The following ARHGEF10L variants were observed in gnomAD, a reference collection of about 807,000 sequenced individuals.
The protein encoded by ARHGEF10L is rho guanine nucleotide exchange factor 10-like protein.
Under a neutral mutation model 141.2 loss-of-function variants are expected in ARHGEF10L, and 69 were observed. The ratio of observed to expected loss-of-function variants is 0.49; its 90% CI spans 0.40 to 0.60. The LOEUF (loss-of-function observed/expected upper bound fraction) is 0.60. Among genes scored for constraint, ARHGEF10L ranks in the 20% least tolerant of loss-of-function variants. The pLI is 0.00. For synonymous variants in ARHGEF10L, 711 were observed against 718.5 expected, an observed-to-expected ratio of 0.99 and a Z score of 0.17; for missense variants, 1,482 against 1,734.3, an observed-to-expected ratio of 0.85 and a Z score of 2.58.
At position 17,640,194 on chromosome 1, in the gene ARHGEF10L, C is replaced by T. The variant is rs747071782; in HGVS notation, c.2172-8C>T. On this transcript the variant is annotated splice_polypyrimidine_tract_variant and splice_region_variant and intron_variant, in intron 20 of 28. Coordinates refer to ENST00000361221, the MANE Select transcript of ARHGEF10L (RefSeq NM_018125.4). ...CTCACACATCCACTCTAACCCTTCT[C>T]ACCACAGGTCCGGCCGCCCCATTAG... 19 of 1,608,396 alleles carry T rather than the reference C, an allele frequency of 1.2e-5. No homozygotes were observed. Among genetic ancestry groups the T allele is most frequent in the Middle Eastern group, 3.3e-4 (2 of 6,048 alleles).
chr1:17,523,679 C>T, the ARHGEF10L span, among the ~76,000 whole-genome samples: 2 of 152,184 alleles, frequency 1.3e-5, no homozygotes, highest in African/African-American at 4.8e-5. Flanking sequence ...TCCTGATTTC[C>T]TGCTCTTCCC....
chr1:17,648,548 C>T lies in ARHGEF10L; in HGVS notation c.2273-6C>T. 6.2e-7 allele frequency: 1 copy of T among 1,613,534 alleles called. No homozygotes were observed. The highest frequency in any genetic ancestry group is 8.5e-7 in the Non-Finnish European group (1 of 1,179,900). On this transcript the variant is annotated splice_polypyrimidine_tract_variant and splice_region_variant and intron_variant, in intron 21 of 28. Coordinates refer to ENST00000361221, the MANE Select transcript of ARHGEF10L (RefSeq NM_018125.4). ...AGCTCTACCCACCTCCTTCCTCTTG[C>T]TGTAGGGGAGGAGAACCAGCCAGGC...
At chr1:17,616,613 A>G (rs1272926930) in intron 9 of ARHGEF10L, among the ~76,000 whole-genome samples, 2 of 152,236 alleles carry the variant, frequency 1.3e-5, no homozygotes, top group Non-Finnish European at 2.9e-5. Flanking sequence ...CCTGTGCTGC[A>G]TGCAGGGACC....
At chr1:17,661,467 T>C (rs112400484) in intron 25 of ARHGEF10L, among the ~76,000 whole-genome samples, 14 of 152,320 alleles carry the variant, frequency 9.2e-5, no homozygotes, top group African/African-American at 3.4e-4. Flanking sequence ...TTAGAGGATT[T>C]CTGGAGACTC....
chr1:17,691,242 C>A, intron 27 of ARHGEF10L: 2 of 395,962 alleles, frequency 5.1e-6, no homozygotes, highest in South Asian at 3.7e-5. Flanking sequence ...TATTTATTCA[C>A]CATTAGAATT....
At chr1:17,587,118 C>T (rs888781635) in intron 2 of ARHGEF10L, among the ~76,000 whole-genome samples, 11 of 152,152 alleles carry the variant, frequency 7.2e-5, no homozygotes, top group African/African-American at 1.4e-4. Context: ...CTTGTGCTCA[C>T]GCATAAACAC....
At chr1:17,598,341 A>C (rs1263247923) in intron 4 of ARHGEF10L, among the ~76,000 whole-genome samples, 1 of 152,176 alleles carries the variant, frequency 6.6e-6, no homozygotes, top group African/African-American at 2.4e-5. Context: ...ACCTCCAGTG[A>C]TCTACCCACC....
chr1:17,632,200 TCTC>T (rs923535607), intron 15 of ARHGEF10L, 118 bp from the exon 16 acceptor site: 25 of 1,294,654 alleles, frequency 1.9e-5, no homozygotes, highest in Admixed American at 1.4e-4. Context: ...AGTGGCTTCA[TCTC>T]CTCCACCTCT....
chr1:17,603,890 A>C lies in ARHGEF10L; in HGVS notation c.433+299A>C, dbSNP rs575452001. Among the ~76,000 whole-genome samples, 3 of 152,330 alleles carry C rather than the reference A, an allele frequency of 2.0e-5. No individual in the cohort carries two copies. The highest frequency in any genetic ancestry group is 2.0e-4 in the Admixed American group (3 of 15,304). ...CTTCAGGAAAATGGGGCCATACCCC[A>C]GGCTTTCTGGGGCTGTTGGGGAAGA... is the stretch of plus-strand genomic sequence containing the variant. On this transcript the variant is annotated intron_variant, in intron 6 of 28. Transcript: ENST00000361221. This position sits in a 1 kb window ranked among gnomAD's most constrained non-coding sequence, Gnocchi z 4.8.
At chr1:17,668,382 C>T (rs1350801191) in intron 26 of ARHGEF10L, among the ~76,000 whole-genome samples, 2 of 152,200 alleles carry the variant, frequency 1.3e-5, no homozygotes, top group African/African-American at 2.4e-5. Flanking sequence ...GACAGGGGCC[C>T]GGGTCAGGCC....
chr1:17,639,739 C>A lies in ARHGEF10L; in HGVS notation c.2172-463C>A. ...AACCTGATTCATTCATTTCTTCATT[C>A]ATTCCTGTGTCCACTCAGCAAACAT... On this transcript the variant is annotated intron_variant, in intron 20 of 28. Transcript: ENST00000361221. This position sits in a 1 kb window ranked among gnomAD's most constrained non-coding sequence, Gnocchi z 4.3. The A allele has an allele frequency of 1.3e-6, 1 of 785,624 alleles. No individual in the cohort carries two copies. The highest frequency in any genetic ancestry group is 1.9e-6 in the Non-Finnish European group (1 of 529,726). The allele number at this position is 785,624 out of a possible 1,614,324, so 48.7% of individuals were successfully genotyped here. A position where few individuals can be genotyped will look rare whatever the true frequency, so the allele number is the denominator to read the frequency against.
At chr1:17,657,471 C>T (rs1490316700) in intron 25 of ARHGEF10L, among the ~76,000 whole-genome samples, 3 of 152,178 alleles carry the variant, frequency 2.0e-5, no homozygotes, top group Non-Finnish European at 2.9e-5. Flanking sequence ...GTGTAGCCAG[C>T]CCCCAGTCCC....
intron 1 of ARHGEF10L, among the ~76,000 whole-genome samples, chr1:17,555,449 G>A (rs1422888702): frequency 2.0e-5 from 3 of 151,256 alleles, no homozygotes; most frequent in Admixed American, 2.0e-4. Context: ...TGCAACCTCT[G>A]CCTCCTGGAT....
Position 17,696,953 on chromosome 1 carries a change from C to A in ARHGEF10L, c.3413C>A (p.Ala1138Asp), listed in dbSNP as rs2065548405. Residue 1138 changes from alanine (A) to aspartate (D), a missense_variant, in exon 29 of 29, where the codon GCT becomes GAT. Ala to Asp is a moderately radical substitution (Grantham distance 126). Transcript: ENST00000361221. Reference protein sequence around the residue: ...PDILRSDQEEAEGPRAEEDKP... With the variant: ...PDILRSDQEEDEGPRAEEDKP... ...ATCCTGCGGAGTGACCAGGAGGAGG[C>A]TGAGGGGCCCCGGGCTGAGGAGGAC... 16 of 1,612,722 alleles carry A rather than the reference C, an allele frequency of 9.9e-6. No homozygotes were observed. Among genetic ancestry groups the A allele is most frequent in the Non-Finnish European group, 1.3e-5 (15 of 1,179,868 alleles).
chr1:17,593,838 A>G (rs1432250513), intron 4 of ARHGEF10L, among the ~76,000 whole-genome samples: 1 of 151,900 alleles, frequency 6.6e-6, no homozygotes, highest in East Asian at 1.9e-4. Context: ...TATCGTGGGC[A>G]CCATTTTGCA....
At position 17,580,629 on chromosome 1, in the gene ARHGEF10L, A is replaced by G. The variant is rs1233405798; in HGVS notation, c.34A>G (p.Ile12Val). The G allele has an allele frequency of 1.9e-6, 3 of 1,614,160 alleles. No homozygotes were observed. Among genetic ancestry groups the G allele is most frequent in the Non-Finnish European group, 2.5e-6 (3 of 1,180,020 alleles). ...ASSNPPPQPA[I>V]GDQLVPGVPG... ...CTCCAACCCTCCTCCACAGCCTGCC[A>G]TAGGTACCGTACCCAGGGCTTCCTG... The change falls in exon 2 of 29, where the codon ATA becomes GTA. Residue 12 changes from isoleucine to valine, a missense_variant. Physicochemically the swap from Ile to Val is conservative, Grantham distance 29 (BLOSUM62 3). Coordinates refer to ENST00000361221, the MANE Select transcript of ARHGEF10L (RefSeq NM_018125.4).
rs1288583226 is a variant in ARHGEF10L at position 17,573,959 on chromosome 1, T to C, written c.-43-6594T>C. Among the ~76,000 whole-genome samples, 3 of 151,676 alleles carry C rather than the reference T, an allele frequency of 2.0e-5. No individual in the cohort carries two copies. The highest frequency in any genetic ancestry group is 7.3e-5 in the African/African-American group (3 of 41,274). On this transcript the variant is annotated intron_variant, in intron 1 of 28. Coordinates refer to ENST00000361221, the MANE Select transcript of ARHGEF10L (RefSeq NM_018125.4). This position sits in a 1 kb window ranked among gnomAD's most constrained non-coding sequence, Gnocchi z 4.8. ...CCCCTTCTCAGAGCTCCCCTCCCCC[T>C]CCCTGGTGAAGAGGAAAGGAAGTTG... is the stretch of plus-strand genomic sequence containing the variant.
rs1314167194 is a variant in ARHGEF10L at position 17,558,894 on chromosome 1, T to G, written c.-44+18944T>G. Among the ~76,000 whole-genome samples, 2 of 152,186 alleles carry G rather than the reference T, an allele frequency of 1.3e-5. No homozygotes were observed. Among genetic ancestry groups the G allele is most frequent in the Non-Finnish European group, 2.9e-5 (2 of 68,032 alleles). ...GGGCAGGGAGAATGGTGGGGAGGGC[T>G]GAGGGGCCCTTCCCCAGCTTCCTCG... On this transcript the variant is annotated intron_variant, in intron 1 of 28. Transcript: ENST00000361221. The surrounding 1 kb of genome is among the most constrained non-coding windows in gnomAD (Gnocchi z 4.2).
chr1:17,686,334 C>T (rs1031198465), intron 26 of ARHGEF10L, among the ~76,000 whole-genome samples: 1 of 151,878 alleles, frequency 6.6e-6, no homozygotes, highest in African/African-American at 2.4e-5. Context: ...ATTTTTTTGA[C>T]CAAATTTTAC....
Sources: gnomAD v4.1 joint callset for allele counts (sites outside exome capture counted in the v4.1 genomes callset) on GRCh38, gnomAD v4.1.1 for gene constraint, Gnocchi (gnomAD v3.1) non-coding constraint, MANE v1.5 for transcripts, NCBI Gene and HGNC (gene_info 2026-07-23, HGNC 2026-07-21) for gene names.